CDC14B: variants seen among roughly 807,000 people sequenced by gnomAD.
The protein encoded by CDC14B is cell division cycle 14B.
Under a neutral mutation model 64.2 loss-of-function variants are expected in CDC14B, and 22 were observed. That is an observed-to-expected ratio of 0.34 (90% CI 0.24 to 0.49). CDC14B has a LOEUF of 0.49. CDC14B is among the 20% of genes least tolerant of loss of function. The pLI is 0.99. For missense variants in CDC14B, 498 were observed against 629.9 expected (o/e 0.79, Z 2.24); for synonymous variants, 191 against 215.8 (o/e 0.89, Z 1.01).
chr9:96,549,992 C>G (rs1364008512), intron 5 of CDC14B, among the ~76,000 whole-genome samples: 2 of 152,214 alleles, frequency 1.3e-5, no homozygotes, highest in African/African-American at 4.8e-5. Context: ...GTTCCTATTT[C>G]AGGACCTTGT....
At chr9:96,500,098 T>C (rs570294198), downstream of CDC14B, 1 of 152,742 alleles carries the variant, frequency 6.5e-6, no homozygotes, top group African/African-American at 2.4e-5. Context: ...AGTAACACAA[T>C]AAACAAAAAG....
At chr9:96,606,439 T>C (rs943512261) in intron 1 of CDC14B, among the ~76,000 whole-genome samples, 1 of 151,370 alleles carries the variant, frequency 6.6e-6, no homozygotes, top group Non-Finnish European at 1.5e-5. Context: ...TCCAAGTACT[T>C]TGGGAAGCCT....
chr9:96,498,086 A>G (rs543082443), downstream of CDC14B, among the ~76,000 whole-genome samples: 1 of 152,340 alleles, frequency 6.6e-6, no homozygotes, highest in South Asian at 2.1e-4. Context: ...TAAGACGTCA[A>G]CCGGGAGAGT....
At chr9:96,530,295 T>TC (rs1838246840) in intron 9 of CDC14B, among the ~76,000 whole-genome samples, 1 of 143,562 alleles carries the variant, frequency 7.0e-6, no homozygotes, top group African/African-American at 2.9e-5. Flanking sequence ...GTTCTCTCTC[T>TC]GTTTTTTTTT....
At chr9:96,548,646 A>G (rs7855935) in intron 5 of CDC14B, among the ~76,000 whole-genome samples, 18,523 of 151,966 alleles carry the variant, frequency 0.12, 3,725 homozygotes, top group African/African-American at 0.42. Context: ...GTGAAACCCC[A>G]TCTCTACTAA....
rs3739745 is a variant in CDC14B at position 96,563,000 on chromosome 9, G to A, written c.328-215C>T. On this transcript the variant is annotated intron_variant, in intron 3 of 13. Transcript: ENST00000375241. ...ATGAACATACAATTAGAGAAGAGGG[G>A]AGGGGACATGAATGGACACATGCTT... is the stretch of plus-strand genomic sequence containing the variant. Among the ~76,000 whole-genome samples the A allele has an allele frequency of 2.8e-4, 42 of 152,326 alleles. No homozygotes were observed. In the East Asian group the frequency reaches 7.9e-3, roughly 29 times the overall value.
chr9:96,596,451 T>A (rs1299984608), intron 1 of CDC14B, among the ~76,000 whole-genome samples: 1 of 150,472 alleles, frequency 6.6e-6, no homozygotes, highest in Non-Finnish European at 1.5e-5. Flanking sequence ...ACTACAATTA[T>A]GAGATGAAAA....
chr9:96,599,430 T>C (rs1056400867), intron 1 of CDC14B, among the ~76,000 whole-genome samples: 1 of 151,894 alleles, frequency 6.6e-6, no homozygotes. Context: ...TTACATTCCA[T>C]TGGATTTTGA....
intron 7 of CDC14B, 134 bp from the exon 8 acceptor site, chr9:96,534,676 C>G (rs1587856204): frequency 1.6e-6 from 1 of 626,622 alleles, no homozygotes. Context: ...TGCCATGAGA[C>G]AGGAATCTCA....
chr9:96,503,946 C>G, intron 13 of CDC14B, among the ~76,000 whole-genome samples, 157 bp from the exon 14 acceptor site: 1 of 152,068 alleles, frequency 6.6e-6, no homozygotes, highest in East Asian at 1.9e-4. Flanking sequence ...GAGAAGACAA[C>G]ACAATATCAA....
intron 5 of CDC14B, among the ~76,000 whole-genome samples, chr9:96,551,110 G>GTTTTTTTTT (rs1841741325): frequency 3.0e-5 from 2 of 65,970 alleles, no homozygotes; most frequent in African/African-American, 2.3e-4. Context: ...TTTGGGGTTT[G>GTTTTTTTTT]CTTTTTTTTT....
chr9:96,491,605 C>G (rs1368136525), exon 14 of CDC14B: 1 of 152,210 alleles, frequency 6.6e-6, no homozygotes, highest in Non-Finnish European at 1.5e-5. Context: ...AGGGCTGTGT[C>G]ATGAGTCAGT....
At chr9:96,589,159 A>C (rs1225622792) in intron 1 of CDC14B, among the ~76,000 whole-genome samples, 1 of 151,690 alleles carries the variant, frequency 6.6e-6, no homozygotes, top group Non-Finnish European at 1.5e-5. Flanking sequence ...AACACAGTGA[A>C]ACCCTATCTC....
chr9:96,491,554 T>C (rs1328521413), exon 14 of CDC14B: 1 of 152,226 alleles, frequency 6.6e-6, no homozygotes, highest in East Asian at 1.9e-4. Context: ...TGGATGCAAG[T>C]GCCCTGATTT....
chr9:96,619,195 C>T (rs753474486), intron 1 of CDC14B, 24 bp downstream of exon 1: 4 of 1,248,860 alleles, frequency 3.2e-6, no homozygotes, highest in Admixed American at 4.1e-5. Flanking sequence ...CCGGGGCCCT[C>T]CGCGCGCCCA....
chr9:96,595,459 A>G (rs1846016405), intron 1 of CDC14B, among the ~76,000 whole-genome samples: 1 of 152,246 alleles, frequency 6.6e-6, no homozygotes, highest in Admixed American at 6.5e-5. Context: ...CTATAACTCC[A>G]TTCCATATAT....
intron 13 of CDC14B, among the ~76,000 whole-genome samples, chr9:96,504,436 C>T (rs1425896219): frequency 2.6e-5 from 4 of 152,278 alleles, no homozygotes; most frequent in African/African-American, 9.6e-5. Flanking sequence ...AAACCACTTC[C>T]AATCTGGAGG....
chr9:96,504,877 A>C (rs1272493473), intron 13 of CDC14B, among the ~76,000 whole-genome samples: 1 of 152,146 alleles, frequency 6.6e-6, no homozygotes, highest in Non-Finnish European at 1.5e-5. Flanking sequence ...TCGTGGTTTT[A>C]GAAGCTAAGG....
chr9:96,535,638 G>T (rs1745151640), intron 7 of CDC14B, among the ~76,000 whole-genome samples: 1 of 152,138 alleles, frequency 6.6e-6, no homozygotes, highest in Admixed American at 6.5e-5. Context: ...TTGAAATTGG[G>T]GTGTTTCTAC....
Sources: gnomAD v4.1 joint callset for allele counts (sites outside exome capture counted in the v4.1 genomes callset) on GRCh38, gnomAD v4.1.1 for gene constraint, MANE v1.5 for transcripts, NCBI Gene and HGNC (gene_info 2026-07-23, HGNC 2026-07-21) for gene names.